The following NOL4 variants were observed in gnomAD, a reference collection of about 807,000 sequenced individuals.
The protein encoded by NOL4 is cancer/testis antigen 125.
In NOL4, 17 loss-of-function variants were observed where a neutral mutation model predicts 75.9. That is an observed-to-expected ratio of 0.22 (90% CI 0.15 to 0.34). The LOEUF (loss-of-function observed/expected upper bound fraction) is 0.34. Among genes scored for constraint, NOL4 ranks in the 10% least tolerant of loss-of-function variants. NOL4 has a pLI of 1.00. For missense variants in NOL4, 614 were observed against 793.5 expected (o/e 0.77, Z 2.72); for synonymous variants, 292 against 289.9 (o/e 1.01, Z -0.07).
chr18:33,990,330 C>T lies in NOL4; in HGVS notation c.1056+28988G>A, dbSNP rs545473944. Among the ~76,000 whole-genome samples the T allele has an allele frequency of 5.7e-4, 87 of 152,168 alleles. 1 individual carries two copies. The highest frequency in any genetic ancestry group is 2.0e-3 in the African/African-American group (85 of 41,546). On this transcript the variant is annotated intron_variant, in intron 6 of 10. Coordinates refer to ENST00000261592, the MANE Select transcript of NOL4 (RefSeq NM_003787.5). ...ACATCCTATTATGCTGTATATCTTT[C>T]ACATAGGTTACCTCCTCTGACTCCC...
intron 8 of NOL4, among the ~76,000 whole-genome samples, chr18:33,948,929 T>C (rs147162797): frequency 1.6e-3 from 246 of 152,160 alleles, no homozygotes; most frequent in African/African-American, 5.6e-3. Flanking sequence ...TGTAATCAAT[T>C]CTGAAGCTCT....
intron 1 of NOL4, among the ~76,000 whole-genome samples, chr18:34,214,100 A>G (rs1489262968): frequency 6.6e-6 from 1 of 152,168 alleles, no homozygotes; most frequent in Non-Finnish European, 1.5e-5. Context: ...TTATTACAAG[A>G]TGACAGAAAG....
At chr18:33,945,834 A>T (rs1367748575) in intron 8 of NOL4, among the ~76,000 whole-genome samples, 1 of 151,744 alleles carries the variant, frequency 6.6e-6, no homozygotes, top group African/African-American at 2.4e-5. Context: ...CTCAATGGCC[A>T]TAGAAGTCAT....
intron 1 of NOL4, among the ~76,000 whole-genome samples, chr18:34,163,198 T>A (rs2031793663): frequency 6.6e-6 from 1 of 152,144 alleles, no homozygotes; most frequent in Admixed American, 6.5e-5. Flanking sequence ...GGATGCCCTC[T>A]CTCACCACTC....
rs576857882 is a variant in NOL4, at chr18:33,923,146, T to C, written c.1542+19919A>G. Among the ~76,000 whole-genome samples, 84 of 152,190 alleles carry C rather than the reference T, an allele frequency of 5.5e-4. 1 individual carries two copies. Among genetic ancestry groups the C allele is most frequent in the Non-Finnish European group, 1.1e-3 (74 of 67,924 alleles). On this transcript the variant is annotated intron_variant, in intron 9 of 10. Coordinates refer to ENST00000261592, the MANE Select transcript of NOL4 (RefSeq NM_003787.5). ...TATATATTGATTGAGAAAGAAAGAA[T>C]AAAACAAAGAATACCCTCATGGATT... is the stretch of plus-strand genomic sequence containing the variant.
chr18:34,172,843 C>T (rs112651293), intron 1 of NOL4, among the ~76,000 whole-genome samples: 10 of 152,156 alleles, frequency 6.6e-5, no homozygotes, highest in African/African-American at 2.4e-4. Flanking sequence ...CTGGTTTTTG[C>T]ACATTTTAAA....
chr18:34,129,642 A>G (rs1325563074), intron 2 of NOL4, among the ~76,000 whole-genome samples: 1 of 151,758 alleles, frequency 6.6e-6, no homozygotes, highest in Non-Finnish European at 1.5e-5. Flanking sequence ...CACATATTAT[A>G]CATTTTTAAA....
intron 9 of NOL4, among the ~76,000 whole-genome samples, chr18:33,942,452 TA>T (rs2068555292): frequency 6.6e-6 from 1 of 151,362 alleles, no homozygotes; most frequent in Admixed American, 6.6e-5. Flanking sequence ...GTGAGCAAAG[TA>T]CAAAAAAAAG....
intron 1 of NOL4, among the ~76,000 whole-genome samples, chr18:34,155,815 G>T (rs931698092): frequency 6.6e-6 from 1 of 152,054 alleles, no homozygotes; most frequent in African/African-American, 2.4e-5. Flanking sequence ...CCAAGTAGTA[G>T]CAAGTCTCAA....
chr18:34,044,184 G>A (rs1294146651), intron 5 of NOL4, among the ~76,000 whole-genome samples: 1 of 151,798 alleles, frequency 6.6e-6, no homozygotes, highest in African/African-American at 2.4e-5. Context: ...AAACTATAAA[G>A]TACCAAACAA....
chr18:34,196,058 A>T (rs1034452767), intron 1 of NOL4, among the ~76,000 whole-genome samples: 1 of 152,168 alleles, frequency 6.6e-6, no homozygotes, highest in African/African-American at 2.4e-5. Flanking sequence ...CCAAAAAAAA[A>T]GATGATTATG....
At chr18:34,174,297 T>C (rs1032130422) in intron 1 of NOL4, among the ~76,000 whole-genome samples, 4 of 71,148 alleles carry the variant, frequency 5.6e-5, no homozygotes, top group Non-Finnish European at 1.0e-4. Context: ...CTCTGAAAAT[T>C]TGCTCTTCAT....
chr18:34,062,569 C>G (rs2077107465), intron 5 of NOL4, among the ~76,000 whole-genome samples: 1 of 151,992 alleles, frequency 6.6e-6, no homozygotes, highest in African/African-American at 2.4e-5. Flanking sequence ...ATTCCATTCC[C>G]CATTTGAAAT....
At chr18:34,206,843 G>A (rs36008181) in intron 1 of NOL4, among the ~76,000 whole-genome samples, 10,424 of 151,796 alleles carry the variant, frequency 0.069, 501 homozygotes, top group Non-Finnish European at 0.098. Flanking sequence ...TGATTCCACT[G>A]GCACAAATAT....
chr18:33,902,480 T>C (rs548155560), intron 9 of NOL4, among the ~76,000 whole-genome samples: 4 of 152,270 alleles, frequency 2.6e-5, no homozygotes, highest in African/African-American at 9.6e-5. Context: ...ATGTTTTATA[T>C]AGAAAAGCAA....
chr18:34,157,627 A>G (rs1568403147), intron 1 of NOL4, among the ~76,000 whole-genome samples: 1 of 152,150 alleles, frequency 6.6e-6, no homozygotes, highest in African/African-American at 2.4e-5. Flanking sequence ...AATGAAAAAA[A>G]AAAGCAGATC....
intron 1 of NOL4, among the ~76,000 whole-genome samples, chr18:34,135,455 T>C (rs1271482136): frequency 2.0e-5 from 3 of 151,938 alleles, no homozygotes; most frequent in Admixed American, 6.6e-5. Context: ...TCCCTGCTCT[T>C]TGGAGGCTGA....
chr18:34,124,484 T>C (rs1290043031), intron 2 of NOL4, among the ~76,000 whole-genome samples: 3 of 152,192 alleles, frequency 2.0e-5, no homozygotes, highest in Non-Finnish European at 2.9e-5. Context: ...TTCCCCTTTT[T>C]TTGAAAATAA....
chr18:33,895,644 C>T (rs2065351268), intron 9 of NOL4, among the ~76,000 whole-genome samples: 2 of 151,928 alleles, frequency 1.3e-5, no homozygotes, highest in South Asian at 2.1e-4. Flanking sequence ...AATCATATTA[C>T]ATTTTTGGAA....
Sources: gnomAD v4.1 joint callset for allele counts (sites outside exome capture counted in the v4.1 genomes callset) on GRCh38, gnomAD v4.1.1 for gene constraint, MANE v1.5 for transcripts, NCBI Gene and HGNC (gene_info 2026-07-23, HGNC 2026-07-21) for gene names.